Variants in CROCC2 observed in about 807,000 individuals in gnomAD.
CROCC2 encodes the protein ciliary rootlet coiled-coil, rootletin family member 2.
In CROCC2, 163 loss-of-function variants were observed where a neutral mutation model predicts 177.6. The observed-to-expected ratio is 0.92, with a 90% confidence interval of 0.81 to 1.05. The LOEUF is 1.05. CROCC2 is among the 50% of genes least tolerant of loss of function. CROCC2 has a pLI of 0.00. For missense variants in CROCC2, 1,929 were observed against 1,797.8 expected (o/e 1.07, Z -1.32); for synonymous variants, 904 against 787.3 (o/e 1.15, Z -2.48).
intron 15 of CROCC2, among the ~76,000 whole-genome samples, chr2:240,947,409 C>T (rs570691397): frequency 5.3e-5 from 8 of 152,312 alleles, no homozygotes; most frequent in African/African-American, 9.6e-5. Flanking sequence ...CTGCCCCTAC[C>T]TCAGCCCTGC....
intron 14 of CROCC2, among the ~76,000 whole-genome samples, chr2:240,943,368 C>T (rs11683747): frequency 0.38 from 57,225 of 151,878 alleles, 11,902 homozygotes; most frequent in East Asian, 0.48. Context: ...CTCTGATATC[C>T]GCTCTTCTTT....
chr2:240,948,986 AG>A lies in CROCC2; in HGVS notation c.2374del (p.Asp792ThrfsTer51), dbSNP rs2059538192. On this transcript the variant is annotated frameshift_variant, in exon 16 of 32. Transcript: ENST00000690015. LOFTEE classifies it high-confidence loss of function. The stretch of plus-strand genomic sequence containing the variant: ...TTTGCTGCATCTTTGCAGGGTGGAG[AG>A]GGACTCCCTGGAGAGCAGCCTCCTT... Reference protein sequence around the residue: ...AEEAADLRVERDSLESSLLEA... With the variant: ...AEEAADLRVEXDSLESSLLEA... 1 of 1,550,200 alleles carries A rather than the reference AG, an allele frequency of 6.5e-7. No homozygotes were observed. The highest frequency in any genetic ancestry group is 8.7e-7 in the Non-Finnish European group (1 of 1,146,902).
rs925816253 is a variant in CROCC2, at chr2:240,968,384, C to T, written c.4401+122C>T. On this transcript the variant is annotated intron_variant, in intron 27 of 31. Coordinates refer to ENST00000690015, the MANE Select transcript of CROCC2 (RefSeq NM_001351305.2). ...GGGAGAGAGGGGTCTGCAAGGGCTTCTGTGGGTGTTCGGGGCTGGAGCCAG... is the reference window on the plus strand; with the variant it reads ...GGGAGAGAGGGGTCTGCAAGGGCTTTTGTGGGTGTTCGGGGCTGGAGCCAG... The T allele has an allele frequency of 2.3e-6, 3 of 1,282,972 alleles. No individual in the cohort carries two copies. In the African/African-American group the frequency reaches 4.6e-5, roughly 20 times the overall value. 79.5% of individuals were successfully genotyped at this position (1,282,972 alleles called of 1,614,324 possible).
chr2:240,982,678 G>C lies in CROCC2; in HGVS notation c.4402-202G>C. ...GACTTTCGTCTCAGGCTTCCTGGGGGTCCACACCTTTGAGGTTACATTGCA... is the reference window on the plus strand; with the variant it reads ...GACTTTCGTCTCAGGCTTCCTGGGGCTCCACACCTTTGAGGTTACATTGCA... On this transcript the variant is annotated intron_variant, in intron 27 of 31. Transcript: ENST00000690015. This position sits in a 1 kb window ranked among gnomAD's most constrained non-coding sequence, Gnocchi z 4.7. 1.9e-6 allele frequency: 1 copy of C among 519,540 alleles called. No homozygotes were observed. The highest frequency in any genetic ancestry group is 2.9e-5 in the South Asian group (1 of 34,284). 32.2% of individuals were successfully genotyped at this position (519,540 alleles called of 1,614,324 possible).
Position 240,918,124 on chromosome 2 carries a change from A to G in CROCC2, c.79-602A>G, listed in dbSNP as rs1430773350. On this transcript the variant is annotated intron_variant, in intron 1 of 31. Coordinates refer to ENST00000690015, the MANE Select transcript of CROCC2 (RefSeq NM_001351305.2). This position sits in a 1 kb window ranked among gnomAD's most constrained non-coding sequence, Gnocchi z 6.3. The stretch of plus-strand genomic sequence containing the variant: ...TCTTCCCTGGCAGTCGGCTTTCATG[A>G]AGGACCCACCTGGGTCCCGATGGAC... 6.6e-6 allele frequency among the ~76,000 whole-genome samples: 1 copy of G among 152,154 alleles called. No individual in the cohort carries two copies. Among genetic ancestry groups the G allele is most frequent in the Non-Finnish European group, 1.5e-5 (1 of 68,022 alleles).
intron 14 of CROCC2, among the ~76,000 whole-genome samples, chr2:240,936,870 A>C (rs1371014231): frequency 4.6e-5 from 7 of 152,204 alleles, no homozygotes; most frequent in African/African-American, 7.2e-5. Context: ...TTGTGTCCCC[A>C]CCCAAATCTC....
chr2:240,933,340 G>A lies in CROCC2; in HGVS notation c.1461G>A (p.Gly487=), dbSNP rs559497416. ...GCCGGGCATCCTGCAAGCTCCTGGG[G>A]AGGTAATGGGGTGAAGGGGTTGCAC... ...QQCRASCKLL[G]REKAALEMVV... is the part of the protein sequence containing the mutation. The change falls in exon 10 of 32, where the codon GGG becomes GGA. Residue 487 remains glycine (G), a splice_region_variant and synonymous_variant. Coordinates refer to ENST00000690015, the MANE Select transcript of CROCC2 (RefSeq NM_001351305.2). The A allele has an allele frequency of 6.6e-7, 1 of 1,516,744 alleles. No individual in the cohort carries two copies. The highest frequency in any genetic ancestry group is 1.3e-5 in the South Asian group (1 of 79,492). The allele number at this position is 1,516,744 out of a possible 1,614,324, so 94.0% of individuals were successfully genotyped here. A position where few individuals can be genotyped will look rare whatever the true frequency, so the allele number is the denominator to read the frequency against.
In CROCC2 at chr2:240,935,432, G is replaced by T; in HGVS notation, c.2013G>T (p.Gln671His). 3.6e-6 allele frequency: 5 copies of T among 1,373,644 alleles called. No homozygotes were observed. The highest frequency in any genetic ancestry group is 4.7e-6 in the Non-Finnish European group (5 of 1,058,188). The allele number at this position is 1,373,644 out of a possible 1,614,324, so 85.1% of individuals were successfully genotyped here. ...AGGAACGGGCCCGGGCCGGGGAGCA[G>T]CTGGCACAGGCGGAGCAGCAGCTGG... The part of the protein sequence containing the change: ...LEQERARAGE[Q>H]LAQAEQQLAL... The change falls in exon 14 of 32, where the codon CAG becomes CAT. Residue 671 changes from glutamine (Q) to histidine (H), a missense_variant. Physicochemically the swap from Gln to His is conservative, Grantham distance 24. Transcript: ENST00000690015.
At chr2:240,914,550 G>A (rs910004821) in intron 1 of CROCC2, among the ~76,000 whole-genome samples, 1 of 152,244 alleles carries the variant, frequency 6.6e-6, no homozygotes, top group Middle Eastern at 3.2e-3. Flanking sequence ...CCACACGGGG[G>A]CACTGTTGGA....
chr2:240,957,872 C>A, intron 19 of CROCC2: 1 of 636,006 alleles, frequency 1.6e-6, no homozygotes, highest in Non-Finnish European at 2.0e-6. Context: ...CGACCACTGG[C>A]CCAGCAGCTC....
Position 240,989,976 on chromosome 2 carries a change from T to C in CROCC2, c.4863+143T>C, listed in dbSNP as rs562594087. The C allele has an allele frequency of 5.3e-6, 4 of 747,984 alleles. No individual in the cohort carries two copies. The South Asian group carries it at 6.7e-5, about 12-fold the overall frequency. The allele number at this position is 747,984 out of a possible 1,614,324, so 46.3% of individuals were successfully genotyped here. On this transcript the variant is annotated intron_variant, in intron 30 of 31. Transcript: ENST00000690015. ...ACTGCCACCCAGTGGGCTCCAGACC[T>C]GCTCCGGGCACTGCCTGCACTTCTT...
rs2059621929 is a variant in CROCC2, at chr2:240,960,167, C to T, written c.3087+723C>T. On this transcript the variant is annotated intron_variant, in intron 20 of 31. Transcript: ENST00000690015. The surrounding 1 kb of genome is among the most constrained non-coding windows in gnomAD (Gnocchi z 5.0). ...GGAATTCGGACCCTTGGCCAAGAGG[C>T]CCATCGAGCCATCCACTGAGGCACG... Among the ~76,000 whole-genome samples the T allele has an allele frequency of 6.6e-6, 1 of 152,368 alleles. No homozygotes were observed. Among genetic ancestry groups the T allele is most frequent in the African/African-American group, 2.4e-5 (1 of 41,590 alleles).
At chr2:240,906,813 T>C (rs1254872546) in intron 1 of CROCC2, among the ~76,000 whole-genome samples, 1 of 152,004 alleles carries the variant, frequency 6.6e-6, no homozygotes, top group African/African-American at 2.4e-5. Flanking sequence ...AGAGAGAGCC[T>C]GGGGAGAGAG....
chr2:240,911,674 C>T (rs1198587732), intron 1 of CROCC2, among the ~76,000 whole-genome samples: 1 of 151,980 alleles, frequency 6.6e-6, no homozygotes, highest in East Asian at 1.9e-4. Flanking sequence ...CTCCCAGCCC[C>T]CACCATCCTA....
At chr2:240,952,170 AC>A (rs1360454702) in intron 18 of CROCC2, among the ~76,000 whole-genome samples, 1 of 152,126 alleles carries the variant, frequency 6.6e-6, no homozygotes, top group Non-Finnish European at 1.5e-5. Context: ...ACATAGTGAA[AC>A]CCAGTCTCTA....
chr2:240,958,473 TG>T lies in CROCC2; in HGVS notation c.2944-826del. On this transcript the variant is annotated intron_variant, in intron 19 of 31. Transcript: ENST00000690015. This position sits in a 1 kb window ranked among gnomAD's most constrained non-coding sequence, Gnocchi z 6.7. ...AACCCCCACCCTAGCAGAATCCAGG[TG>T]GACAGGAGGGGCTCCAGAGATCTGG... 3 of 648,670 alleles carry T rather than the reference TG, an allele frequency of 4.6e-6. No homozygotes were observed. The highest frequency in any genetic ancestry group is 2.0e-5 in the African/African-American group (1 of 50,802). The allele number at this position is 648,670 out of a possible 1,614,324, so 40.2% of individuals were successfully genotyped here.
In CROCC2 at chr2:240,959,424, C is replaced by T. The variant is rs1381145722; in HGVS notation, c.3067C>T (p.Arg1023Trp). Residue 1023 changes from arginine (R) to tryptophan (W), a missense_variant, in exon 20 of 32, where the codon CGG becomes TGG. By Grantham distance (101) the Arg-to-Trp change is moderately radical (BLOSUM62 -3). Transcript: ENST00000690015. ...GAGCCTCCAGGACCTAGCGGCTGAG[C>T]GGGGCGATGTGGAGAGAGAGGTGAG... ...RESLQDLAAE[R>W]GDVEREAERL... 51 of 1,550,152 alleles carry T rather than the reference C, an allele frequency of 3.3e-5. No homozygotes were observed. Among genetic ancestry groups the T allele is most frequent in the Non-Finnish European group, 4.1e-5 (47 of 1,146,840 alleles).
In CROCC2 at chr2:240,941,972, C is replaced by A. The variant is rs551807039; in HGVS notation, c.2170-4088C>A. ...TGCCTTCCACCATGTGAAGGTGCAG[C>A]ATTCTTCTCATCCGGAAAATGCAGC... On this transcript the variant is annotated intron_variant, in intron 14 of 31. Transcript: ENST00000690015. Among the ~76,000 whole-genome samples the A allele has an allele frequency of 8.1e-4, 123 of 152,308 alleles. 2 individuals carry two copies. The South Asian group carries it at 0.023, about 29-fold the overall frequency.
chr2:240,935,324 G>A lies in CROCC2; in HGVS notation c.1939-34G>A, dbSNP rs1057245446. 10 of 1,334,572 alleles carry A rather than the reference G, an allele frequency of 7.5e-6. No homozygotes were observed. In the Admixed American group the frequency reaches 3.5e-4, roughly 46 times the overall value. 82.7% of individuals were successfully genotyped at this position (1,334,572 alleles called of 1,614,324 possible). Reference sequence around the variant, plus strand: ...GGCCTACAGGGACCGAGGATGGGGGGAGTGGATGCAGAGCCCCCGACACCT... The same window carrying A: ...GGCCTACAGGGACCGAGGATGGGGGAAGTGGATGCAGAGCCCCCGACACCT... On this transcript the variant is annotated intron_variant, in intron 13 of 31. Transcript: ENST00000690015.
Sources: gnomAD v4.1 joint callset for allele counts (sites outside exome capture counted in the v4.1 genomes callset) on GRCh38, gnomAD v4.1.1 for gene constraint, Gnocchi (gnomAD v3.1) non-coding constraint, MANE v1.5 for transcripts, NCBI Gene and HGNC (gene_info 2026-07-23, HGNC 2026-07-21) for gene names.